Variants in CNOT6 observed in about 807,000 individuals in gnomAD.
The protein encoded by CNOT6 is carbon catabolite repression 4 protein.
CNOT6 carries 12 observed loss-of-function variants against 61.2 expected under a neutral mutation model. That is an observed-to-expected ratio of 0.20 (90% CI 0.13 to 0.32). The LOEUF is 0.32. Ranked by LOEUF, CNOT6 falls within the 10% of genes least tolerant of loss-of-function variation. CNOT6 has a pLI of 1.00. For synonymous variants in CNOT6, 225 were observed against 240.6 expected (o/e 0.94, Z 0.60); for missense variants, 405 against 663.9 (o/e 0.61, Z 4.28).
At chr5:180,553,603 T>C (rs1759724487) in intron 4 of CNOT6, 132 bp downstream of exon 4, 1 of 646,384 alleles carries the variant, frequency 1.5e-6, no homozygotes, top group East Asian at 2.7e-5. Flanking sequence ...TTCTTAGCTA[T>C]ATCGCAATGG....
chr5:180,576,941 A>G lies in CNOT6; in HGVS notation c.*2741A>G, dbSNP rs1761027391. 6.6e-6 allele frequency: 1 copy of G among 152,354 alleles called. No individual in the cohort carries two copies. Among genetic ancestry groups the G allele is most frequent in the African/African-American group, 2.4e-5 (1 of 41,552 alleles). 9.4% of individuals were successfully genotyped at this position (152,354 alleles called of 1,614,324 possible). On this transcript the variant is annotated 3_prime_UTR_variant, in exon 12 of 12. Coordinates refer to ENST00000261951, the MANE Select transcript of CNOT6 (RefSeq NM_001370472.1). ...AAATGTCTTACAAAAAGTTTAGGGC[A>G]TGTTTTCTGTTTTAAAGACCAGAAG...
In CNOT6 at chr5:180,542,901, G is replaced by C. The variant is rs1365609308; in HGVS notation, c.113-7030G>C. On this transcript the variant is annotated intron_variant, in intron 2 of 11. Coordinates refer to ENST00000261951, the MANE Select transcript of CNOT6 (RefSeq NM_001370472.1). ...TAGATAGATATGAGATTATCAAAAGGTGACTTCCTTTTGTTCATTGACCTC... is the reference window on the plus strand; with the variant it reads ...TAGATAGATATGAGATTATCAAAAGCTGACTTCCTTTTGTTCATTGACCTC... Among the ~76,000 whole-genome samples, 8 of 152,234 alleles carry C rather than the reference G, an allele frequency of 5.3e-5. No individual in the cohort carries two copies. In the East Asian group the frequency reaches 5.8e-4, roughly 11 times the overall value.
chr5:180,544,054 A>G (rs1050551795), intron 2 of CNOT6, among the ~76,000 whole-genome samples: 13 of 151,928 alleles, frequency 8.6e-5, no homozygotes, highest in African/African-American at 2.2e-4. Context: ...CTCGTGATCC[A>G]CCCGCCTCGA....
intron 1 of CNOT6, chr5:180,495,678 ATCT>A (rs1420485370): frequency 6.6e-6 from 1 of 152,244 alleles, no homozygotes; most frequent in Non-Finnish European, 1.5e-5. Context: ...TTAGTGCTGA[ATCT>A]TCTTGCCTAC....
chr5:180,498,741 A>G (rs996526776), intron 1 of CNOT6, among the ~76,000 whole-genome samples: 66 of 152,294 alleles, frequency 4.3e-4, no homozygotes, highest in African/African-American at 1.5e-3. Flanking sequence ...CCCTGTGGAG[A>G]ATAGAGTGGA....
chr5:180,572,183 C>T (rs764095936), intron 11 of CNOT6, among the ~76,000 whole-genome samples: 7 of 152,074 alleles, frequency 4.6e-5, no homozygotes, highest in Admixed American at 1.3e-4. Context: ...TTAAGTGTTT[C>T]TAAGATACAT....
At chr5:180,563,180 C>G (rs766878090) in intron 4 of CNOT6, among the ~76,000 whole-genome samples, 2 of 152,042 alleles carry the variant, frequency 1.3e-5, no homozygotes, top group Non-Finnish European at 2.9e-5. Flanking sequence ...CAGTGTTTGC[C>G]AACCTCTTCT....
chr5:180,541,162 G>A (rs1366872806), intron 2 of CNOT6, among the ~76,000 whole-genome samples: 1 of 148,318 alleles, frequency 6.7e-6, no homozygotes, highest in Non-Finnish European at 1.5e-5. Context: ...TTTTTAAGAT[G>A]GAGTCTTACT....
chr5:180,569,368 A>G (rs1194396146), intron 10 of CNOT6, 28 bp downstream of exon 10: 19 of 1,478,184 alleles, frequency 1.3e-5, no homozygotes, highest in Non-Finnish European at 1.8e-5. Flanking sequence ...TTTTATGTAG[A>G]ATATTTTTTG....
chr5:180,538,302 G>A (rs1758822744), intron 2 of CNOT6, among the ~76,000 whole-genome samples: 1 of 151,712 alleles, frequency 6.6e-6, no homozygotes, highest in African/African-American at 2.4e-5. Flanking sequence ...GCCTCCCAGA[G>A]TGCTGGGATG....
intron 1 of CNOT6, among the ~76,000 whole-genome samples, chr5:180,513,672 CTTTTATTTATTTATTTATTTATTTAT>C (rs1264648891): frequency 5.8e-4 from 76 of 129,934 alleles, no homozygotes; most frequent in African/African-American, 1.9e-3. Context: ...ATGCCTGGCC[CTTTTATTTATTTATTTATTTATTTAT>C]TTTTATTTAT....
intron 1 of CNOT6, among the ~76,000 whole-genome samples, chr5:180,502,573 A>T (rs1756913471): frequency 6.6e-6 from 1 of 152,270 alleles, no homozygotes; most frequent in Admixed American, 6.5e-5. Flanking sequence ...AGAGGAAATC[A>T]TTAGACATGG....
At chr5:180,511,901 C>T (rs767397364) in intron 1 of CNOT6, among the ~76,000 whole-genome samples, 5 of 152,270 alleles carry the variant, frequency 3.3e-5, no homozygotes, top group South Asian at 2.1e-4. Flanking sequence ...GGATTACCGG[C>T]ATATGCCACT....
rs1016723231 is a variant in CNOT6, at chr5:180,564,393, C to G, written c.386-96C>G. 7 of 798,080 alleles carry G rather than the reference C, an allele frequency of 8.8e-6. No homozygotes were observed. The Admixed American group carries it at 1.6e-4, about 18-fold the overall frequency. 49.4% of individuals were successfully genotyped at this position (798,080 alleles called of 1,614,324 possible). On this transcript the variant is annotated intron_variant, in intron 4 of 11. Coordinates refer to ENST00000261951, the MANE Select transcript of CNOT6 (RefSeq NM_001370472.1). ...TCTGACATCTTACTAGTAACTATAA[C>G]ATAGTTATGGATGATCTGATAATTT...
intron 2 of CNOT6, among the ~76,000 whole-genome samples, chr5:180,544,604 T>G (rs72812984): frequency 0.019 from 2,878 of 152,326 alleles, 38 homozygotes; most frequent in Non-Finnish European, 0.027. Flanking sequence ...TTCTACCTTC[T>G]TGAATTGTCA....
chr5:180,538,444 G>C (rs910982985), intron 2 of CNOT6, among the ~76,000 whole-genome samples: 4 of 150,840 alleles, frequency 2.7e-5, no homozygotes, highest in Admixed American at 1.3e-4. Flanking sequence ...CTAGCACTTT[G>C]GGAGACTAAG....
Position 180,574,264 on chromosome 5 carries a change from A to T in CNOT6, c.*64A>T. 7.4e-7 allele frequency: 1 copy of T among 1,349,726 alleles called. No individual in the cohort carries two copies. The highest frequency in any genetic ancestry group is 1.1e-6 in the Non-Finnish European group (1 of 941,112). The allele number at this position is 1,349,726 out of a possible 1,614,324, so 83.6% of individuals were successfully genotyped here. On this transcript the variant is annotated 3_prime_UTR_variant, in exon 12 of 12. Coordinates refer to ENST00000261951, the MANE Select transcript of CNOT6 (RefSeq NM_001370472.1). ...ACTTGTGAAAATCTGAACATAGGGG[A>T]GTGAGGTATGGCCACTGAGGATTTT...
In CNOT6 at chr5:180,494,401, G is replaced by C. The variant is rs1756482607; in HGVS notation, c.-365G>C. On this transcript the variant is annotated 5_prime_UTR_variant, in exon 1 of 12. The change abolishes an upstream ATG in the 5' untranslated region. Coordinates refer to ENST00000261951, the MANE Select transcript of CNOT6 (RefSeq NM_001370472.1). ...GCTGAGGGACGGCGGCCGCCGCCAT[G>C]ATGCTTGTTTGCTTTCAATGAAAAC... The C allele has an allele frequency of 6.5e-6, 1 of 152,996 alleles. No individual in the cohort carries two copies. Among genetic ancestry groups the C allele is most frequent in the South Asian group, 1.8e-4 (1 of 5,678 alleles). The allele number at this position is 152,996 out of a possible 1,614,324, so 9.5% of individuals were successfully genotyped here.
chr5:180,569,292 A>C lies in CNOT6; in HGVS notation c.1210A>C (p.Thr404Pro). 2 of 1,614,126 alleles carry C rather than the reference A, an allele frequency of 1.2e-6. No individual in the cohort carries two copies. The highest frequency in any genetic ancestry group is 1.7e-6 in the Non-Finnish European group (2 of 1,179,948). Residue 404 changes from threonine (T) to proline (P), a missense_variant, in exon 10 of 12, where the codon ACT (threonine) becomes CCT (proline). By Grantham distance (38) the Thr-to-Pro change is conservative. This residue lies in a region of CNOT6 where 116 missense variants were observed against 184.6 expected (regional missense o/e 0.63). Transcript: ENST00000261951. ...LKSSVLGEFG[T>P]IPLVLCADLN... ...ATCCAGTGTTTTGGGAGAATTTGGAACTATTCCACTTGTGTTATGTGCAGA... is the reference window on the plus strand; with the variant it reads ...ATCCAGTGTTTTGGGAGAATTTGGACCTATTCCACTTGTGTTATGTGCAGA...
Sources: gnomAD v4.1 joint callset for allele counts (sites outside exome capture counted in the v4.1 genomes callset) on GRCh38, gnomAD v4.1.1 for gene constraint, gnomAD v4.1.1 regional missense constraint, MANE v1.5 for transcripts, NCBI Gene and HGNC (gene_info 2026-07-23, HGNC 2026-07-21) for gene names.